AFF2: variants seen among roughly 807,000 people sequenced by gnomAD.
The protein encoded by AFF2 is AF4/FMR2 family member 2.
A neutral mutation model predicts 76.9 loss-of-function variants in AFF2; 14 were observed. The ratio of observed to expected loss-of-function variants is 0.18; its 90% CI spans 0.12 to 0.28. The LOEUF (loss-of-function observed/expected upper bound fraction) is 0.28. AFF2 is among the 10% of genes least tolerant of loss of function. AFF2 has a pLI of 1.00. For missense variants in AFF2, 868 were observed against 1,001.1 expected (o/e 0.87, Z 1.79); for synonymous variants, 398 against 366.7 (o/e 1.09, Z -0.98).
Position 148,953,647 on chromosome X carries a change from G to A in AFF2, c.1465G>A (p.Glu489Lys), listed in dbSNP as rs2071996430. 8.3e-7 allele frequency: 1 copy of A among 1,211,517 alleles called. No homozygotes were observed. Among genetic ancestry groups the A allele is most frequent in the Non-Finnish European group, 1.1e-6 (1 of 895,357 alleles). ...QASGGSGSSS[E>K]SESSSESDSD... ...CAGCGGGGGTTCTGGCAGCTCCAGC[G>A]AATCGGAGAGCAGCTCTGAGTCGGA... The change falls in exon 10 of 21, where the codon GAA becomes AAA. Residue 489 changes from glutamate to lysine, a missense_variant. Glu to Lys is a moderately conservative substitution (Grantham distance 56). This residue lies in a region of AFF2 where 532 missense variants were observed against 564.2 expected (regional missense o/e 0.94). Coordinates refer to ENST00000370460, the MANE Select transcript of AFF2 (RefSeq NM_002025.4).
At chrX:148,516,121 A>G (rs782739875) in intron 1 of AFF2, among the ~76,000 whole-genome samples, 12 of 111,256 alleles carry the variant, frequency 1.1e-4, no homozygotes, top group African/African-American at 3.3e-4. Context: ...AGGTCAAAGG[A>G]CAGCTTGCCT....
At chrX:148,707,872 C>A (rs1475569379) in intron 3 of AFF2, among the ~76,000 whole-genome samples, 1 of 111,580 alleles carries the variant, frequency 9.0e-6, no homozygotes, top group Non-Finnish European at 1.9e-5. Context: ...CTCATTTATT[C>A]TAAGAATAGC....
chrX:148,795,626 C>T (rs1246993173), intron 3 of AFF2, among the ~76,000 whole-genome samples: 2 of 101,086 alleles, frequency 2.0e-5, no homozygotes, highest in African/African-American at 7.2e-5. Context: ...CACGGTGAAA[C>T]CCTGACTCTA....
At chrX:148,697,423 C>T (rs1239150141) in intron 3 of AFF2, among the ~76,000 whole-genome samples, 1 of 112,000 alleles carries the variant, frequency 8.9e-6, no homozygotes, top group African/African-American at 3.2e-5. Flanking sequence ...GATTTACTGT[C>T]TCAAATGAAT....
intron 3 of AFF2, among the ~76,000 whole-genome samples, chrX:148,777,394 A>G (rs1017014950): frequency 1.2e-4 from 13 of 111,990 alleles, no homozygotes; most frequent in Admixed American, 1.1e-3. Flanking sequence ...TCTGTGAAGA[A>G]AGTCAATGGT....
intron 1 of AFF2, among the ~76,000 whole-genome samples, chrX:148,539,071 AT>A (rs879986257): frequency 2.7e-5 from 3 of 111,135 alleles, no homozygotes; most frequent in Non-Finnish European, 5.7e-5. Context: ...ATTAAAAAAA[AT>A]TTTTTTTCAT....
rs782274593 is a variant in AFF2, at chrX:148,681,565, AGTGTGT to A, written c.1041+18811_1041+18816del. On this transcript the variant is annotated intron_variant, in intron 3 of 20. Coordinates refer to ENST00000370460, the MANE Select transcript of AFF2 (RefSeq NM_002025.4). ...GTGTGTGTGTGTGTGTGTGTGTGTC[AGTGTGT>A]GTGTGTGTGTGTGAGAGAGAGAGAA... Among the ~76,000 whole-genome samples the A allele has an allele frequency of 6.9e-4, 44 of 64,067 alleles. No homozygotes were observed. In the East Asian group the frequency reaches 0.013, roughly 19 times the overall value. The allele number at this position is 64,067 out of a possible 115,157, so 55.6% of individuals were successfully genotyped here.
chrX:148,711,492 A>T (rs2124529540), intron 3 of AFF2, among the ~76,000 whole-genome samples: 1 of 112,093 alleles, frequency 8.9e-6, no homozygotes, highest in African/African-American at 3.2e-5. Flanking sequence ...ATTGCACTGT[A>T]TTTCAGAGTC....
intron 3 of AFF2, among the ~76,000 whole-genome samples, chrX:148,799,271 A>T (rs1825721178): frequency 8.9e-6 from 1 of 111,836 alleles, no homozygotes; most frequent in Admixed American, 9.5e-5. Flanking sequence ...CAGGAAAGAT[A>T]AGGGCCACGG....
At chrX:148,710,361 G>C (rs1390049484) in intron 3 of AFF2, among the ~76,000 whole-genome samples, 2 of 111,742 alleles carry the variant, frequency 1.8e-5, no homozygotes, top group Non-Finnish European at 3.8e-5. Flanking sequence ...CCATCACATA[G>C]GCAATATAGA....
intron 9 of AFF2, among the ~76,000 whole-genome samples, chrX:148,917,563 A>G (rs782788870): frequency 1.8e-5 from 2 of 111,970 alleles, no homozygotes; most frequent in South Asian, 3.7e-4. Context: ...TGCATCTGAT[A>G]CTTCCCTTTT....
chrX:148,585,528 G>T (rs2053457835), intron 1 of AFF2, among the ~76,000 whole-genome samples: 1 of 111,679 alleles, frequency 9.0e-6, no homozygotes, highest in Admixed American at 9.5e-5. Context: ...GGGCAAGGAA[G>T]CATAAGATGT....
intron 1 of AFF2, among the ~76,000 whole-genome samples, chrX:148,612,716 G>T (rs1557249666): frequency 8.9e-6 from 1 of 111,790 alleles, no homozygotes; most frequent in African/African-American, 3.2e-5. Context: ...TTGTACAAGA[G>T]AATTTTCTGA....
At chrX:148,640,375 T>G (rs1557254492) in intron 1 of AFF2, among the ~76,000 whole-genome samples, 1 of 111,754 alleles carries the variant, frequency 8.9e-6, no homozygotes, top group East Asian at 2.8e-4. Flanking sequence ...TAAATAAGCC[T>G]TCTACCTTCT....
intron 3 of AFF2, among the ~76,000 whole-genome samples, chrX:148,743,021 T>C (rs782678203): frequency 1.8e-5 from 2 of 112,274 alleles, no homozygotes; most frequent in East Asian, 5.6e-4. Flanking sequence ...AAGTCATGTA[T>C]TGTTCACCTG....
intron 3 of AFF2, among the ~76,000 whole-genome samples, chrX:148,723,250 T>C (rs781820678): frequency 1.8e-5 from 2 of 111,984 alleles, no homozygotes; most frequent in Admixed American, 9.4e-5. Context: ...GGGAGTTACC[T>C]CTGAGATGAT....
chrX:148,984,654 C>G (rs1248320523), intron 19 of AFF2, among the ~76,000 whole-genome samples: 1 of 111,955 alleles, frequency 8.9e-6, no homozygotes, highest in Non-Finnish European at 1.9e-5. Context: ...CTGTTCTTGC[C>G]TCCACCACTG....
intron 3 of AFF2, among the ~76,000 whole-genome samples, chrX:148,701,825 G>A (rs113194370): frequency 0.017 from 1,890 of 111,510 alleles, 39 homozygotes; most frequent in African/African-American, 0.059. Flanking sequence ...CATCTCTGCC[G>A]TGATCAACCC....
chrX:148,671,147 C>T (rs899335631), intron 3 of AFF2, among the ~76,000 whole-genome samples: 9 of 111,508 alleles, frequency 8.1e-5, no homozygotes, highest in African/African-American at 2.9e-4. Context: ...TCTTGGTGCA[C>T]TTTGCTTTTA....
Sources: allele counts gnomAD v4.1 joint callset (sites outside exome capture counted in the v4.1 genomes callset), GRCh38; gene constraint gnomAD v4.1.1; regional missense constraint gnomAD v4.1.1; transcripts MANE v1.5; gene names NCBI Gene and HGNC (gene_info 2026-07-23, HGNC 2026-07-21).